Variants in CEP128 observed in about 807,000 individuals in gnomAD.
CEP128 encodes the protein centrosomal protein 128, also known as centrosomal protein 128kDa.
In CEP128, 132 loss-of-function variants were observed where a neutral mutation model predicts 156.7. That is an observed-to-expected ratio of 0.84 (90% CI 0.73 to 0.97). The LOEUF is 0.97. Among genes scored for constraint, CEP128 ranks in the 50% least tolerant of loss-of-function variants. CEP128 has a pLI of 0.00. For missense variants in CEP128, 1,252 were observed against 1,281.9 expected (o/e 0.98, Z 0.36); for synonymous variants, 469 against 448.9 (o/e 1.04, Z -0.57).
rs1886181563 is a variant in CEP128, at chr14:80,838,232, T to C, written c.896A>G (p.Glu299Gly). ...ATGCAAAAGTGTTTCTCGGCTGCCT[T>C]CTGATTGATTCAATAACCTTCGAGA... The part of the protein sequence containing the change: ...ELSRRLLNQS[E>G]GSRETLLHQV... Residue 299 changes from glutamate to glycine, a missense_variant, in exon 11 of 25, where the codon GAA becomes GGA. By Grantham distance (98) the Glu-to-Gly change is moderately conservative. Coordinates refer to ENST00000555265, the MANE Select transcript of CEP128 (RefSeq NM_152446.5). 2 of 1,613,520 alleles carry C rather than the reference T, an allele frequency of 1.2e-6. No individual in the cohort carries two copies. Among genetic ancestry groups the C allele is most frequent in the Non-Finnish European group, 1.7e-6 (2 of 1,179,580 alleles).
intron 19 of CEP128, among the ~76,000 whole-genome samples, chr14:80,702,663 G>C (rs1011177185): frequency 2.0e-5 from 3 of 152,172 alleles, no homozygotes; most frequent in Non-Finnish European, 4.4e-5. Flanking sequence ...GAGAGGTTGA[G>C]AAAGTTACCC....
chr14:80,811,787 CTGTG>C (rs140168558), intron 13 of CEP128, among the ~76,000 whole-genome samples: 342 of 120,884 alleles, frequency 2.8e-3, no homozygotes, highest in African/African-American at 8.6e-3. Flanking sequence ...TCTTCTGCGT[CTGTG>C]TGTGTGTGTG....
chr14:80,553,127 T>C (rs146788779), intron 21 of CEP128, among the ~76,000 whole-genome samples: 2 of 152,010 alleles, frequency 1.3e-5, no homozygotes, highest in East Asian at 1.9e-4. Flanking sequence ...ATGTGCAGAA[T>C]GTGCAGATTT....
intron 11 of CEP128, among the ~76,000 whole-genome samples, chr14:80,837,281 A>T (rs1886126123): frequency 6.6e-6 from 1 of 152,252 alleles, no homozygotes; most frequent in African/African-American, 2.4e-5. Context: ...TGCAGTTTGT[A>T]TTAAACACAG....
intron 9 of CEP128, among the ~76,000 whole-genome samples, chr14:80,848,969 AT>A (rs1886750612): frequency 6.6e-6 from 1 of 152,038 alleles, no homozygotes; most frequent in African/African-American, 2.4e-5. Flanking sequence ...AAGATGTGAC[AT>A]TATCTGATTC....
intron 16 of CEP128, among the ~76,000 whole-genome samples, chr14:80,773,845 A>G (rs536240755): frequency 4.6e-5 from 7 of 152,328 alleles, no homozygotes; most frequent in South Asian, 2.1e-4. Flanking sequence ...CATAAAATGT[A>G]AGCAAAAGGA....
chr14:80,622,643 G>A (rs1348648851), intron 19 of CEP128, among the ~76,000 whole-genome samples: 2 of 149,872 alleles, frequency 1.3e-5, no homozygotes, highest in African/African-American at 4.9e-5. Flanking sequence ...CAAAAAGTGG[G>A]CGAAGGACAT....
At chr14:80,812,804 C>A (rs922959758) in intron 13 of CEP128, among the ~76,000 whole-genome samples, 1 of 152,168 alleles carries the variant, frequency 6.6e-6, no homozygotes, top group Non-Finnish European at 1.5e-5. Context: ...ACCTCGTGAT[C>A]CGCCAACCTC....
Position 80,885,517 on chromosome 14 carries a change from C to A in CEP128, c.645+10201G>T, listed in dbSNP as rs10130029. On this transcript the variant is annotated intron_variant, in intron 8 of 24. Coordinates refer to ENST00000555265, the MANE Select transcript of CEP128 (RefSeq NM_152446.5). Reference sequence around the variant, plus strand: ...AGAGTGGACCTCCAGCAAACTCCAGCAGACCTGCAGAAGAGGGGTCTGACT... The same window carrying A: ...AGAGTGGACCTCCAGCAAACTCCAGAAGACCTGCAGAAGAGGGGTCTGACT... Among the ~76,000 whole-genome samples, 609 of 152,286 alleles carry A rather than the reference C, an allele frequency of 4.0e-3. 3 individuals carry two copies. The highest frequency in any genetic ancestry group is 0.014 in the African/African-American group (590 of 41,562).
At chr14:80,781,939 AGACAT>A (rs1264489494) in intron 15 of CEP128, among the ~76,000 whole-genome samples, 1 of 152,188 alleles carries the variant, frequency 6.6e-6, no homozygotes, top group Non-Finnish European at 1.5e-5. Context: ...AATGGTGATA[AGACAT>A]AAGTACTAGT....
At chr14:80,684,731 C>T (rs776454525) in intron 19 of CEP128, among the ~76,000 whole-genome samples, 2 of 147,338 alleles carry the variant, frequency 1.4e-5, no homozygotes, top group Non-Finnish European at 3.0e-5. Flanking sequence ...AATCCAGGAG[C>T]ACACCAAAAA....
intron 19 of CEP128, among the ~76,000 whole-genome samples, chr14:80,596,819 CAAAAAAA>C (rs57402112): frequency 2.8e-4 from 4 of 14,050 alleles, no homozygotes; most frequent in African/African-American, 8.8e-4. Flanking sequence ...GACACTGTCA[CAAAAAAA>C]AAAAAAAAAA....
intron 18 of CEP128, among the ~76,000 whole-genome samples, chr14:80,745,146 T>C (rs1307410566): frequency 6.6e-6 from 1 of 152,116 alleles, no homozygotes; most frequent in Non-Finnish European, 1.5e-5. Context: ...GCTGTCCTCA[T>C]GATAGTCAGT....
chr14:80,577,928 C>T (rs977825644), intron 20 of CEP128, among the ~76,000 whole-genome samples: 2 of 152,158 alleles, frequency 1.3e-5, no homozygotes, highest in Non-Finnish European at 2.9e-5. Context: ...CTTCCCCTAT[C>T]CTTTCCACTG....
chr14:80,761,826 G>C (rs1899986971), intron 16 of CEP128, among the ~76,000 whole-genome samples: 1 of 152,016 alleles, frequency 6.6e-6, no homozygotes. Context: ...GAACTGGTGA[G>C]AAGATATCTG....
At chr14:80,789,106 T>C (rs1280176909) in intron 14 of CEP128, among the ~76,000 whole-genome samples, 5 of 152,212 alleles carry the variant, frequency 3.3e-5, no homozygotes, top group Non-Finnish European at 5.9e-5. Context: ...GAAAGTCGGG[T>C]TGACTCCAGA....
intron 19 of CEP128, among the ~76,000 whole-genome samples, chr14:80,624,356 T>C (rs1188350232): frequency 1.3e-5 from 2 of 152,210 alleles, no homozygotes; most frequent in Non-Finnish European, 2.9e-5. Flanking sequence ...TTCCATGTCT[T>C]AGCTATTATG....
upstream of CEP128, among the ~76,000 whole-genome samples, chr14:80,944,556 C>T (rs1007531815): frequency 4.6e-5 from 7 of 152,176 alleles, no homozygotes. Context: ...GGTGCGGTGG[C>T]TCACGCCTGT....
chr14:80,859,975 C>T (rs1217727056), intron 9 of CEP128, among the ~76,000 whole-genome samples: 1 of 152,094 alleles, frequency 6.6e-6, no homozygotes, highest in South Asian at 2.1e-4. Flanking sequence ...TTGAAAGATA[C>T]ATTTTAAGAA....
Sources: allele counts gnomAD v4.1 joint callset (sites outside exome capture counted in the v4.1 genomes callset), GRCh38; gene constraint gnomAD v4.1.1; transcripts MANE v1.5; gene names NCBI Gene and HGNC (gene_info 2026-07-23, HGNC 2026-07-21).